Variants in KLRF1 observed in about 807,000 individuals in gnomAD.
KLRF1 encodes the protein killer cell lectin-like receptor subfamily F member 1.
Under a neutral mutation model 30.7 loss-of-function variants are expected in KLRF1, and 27 were observed. The ratio of observed to expected loss-of-function variants is 0.88; its 90% confidence interval spans 0.65 to 1.21. KLRF1 has a LOEUF of 1.21. Ranked by LOEUF, KLRF1 falls within the 50% of genes most tolerant of loss-of-function variation. The pLI is 0.00. For missense variants in KLRF1, 246 were observed against 259.3 expected (o/e 0.95, Z 0.35); for synonymous variants, 92 against 89.3 (o/e 1.03, Z -0.17).
chr12:9,837,520 C>T (rs980722261), intron 3 of KLRF1, among the ~76,000 whole-genome samples: 1 of 152,088 alleles, frequency 6.6e-6, no homozygotes, highest in African/African-American at 2.4e-5. Flanking sequence ...AGCATGCATC[C>T]AGCTCAGGGC....
upstream of KLRF1, among the ~76,000 whole-genome samples, chr12:9,822,709 C>G (rs1038752135): frequency 6.6e-6 from 1 of 152,092 alleles, no homozygotes; most frequent in African/African-American, 2.4e-5. Context: ...CAATGGTATG[C>G]TATCTTCAGT....
Position 9,844,410 on chromosome 12 carries a change from T to C in KLRF1, c.588-8T>C, listed in dbSNP as rs1867767317. On this transcript the variant is annotated splice_region_variant and splice_polypyrimidine_tract_variant and intron_variant, in intron 5 of 5. Transcript: ENST00000617889. ...TGATTAACAAAGTATTTATTCTCTC[T>C]TCCCTAGATTCTTCATAAAGGGACC... 6.9e-7 allele frequency: 1 copy of C among 1,455,316 alleles called. No homozygotes were observed. 90.2% of individuals were successfully genotyped at this position (1,455,316 alleles called of 1,614,324 possible).
At chr12:9,821,866 C>T in the KLRF1 span, among the ~76,000 whole-genome samples, 1 of 152,218 alleles carries the variant, frequency 6.6e-6, no homozygotes, top group Non-Finnish European at 1.5e-5. Flanking sequence ...TAAGCACAAC[C>T]TACTGCATCA....
chr12:9,810,689 A>C, the KLRF1 span, among the ~76,000 whole-genome samples: 1 of 152,204 alleles, frequency 6.6e-6, no homozygotes, highest in East Asian at 1.9e-4. Context: ...CATGCTAACA[A>C]GCTTGCAAAA....
chr12:9,843,898 T>C (rs1867756758), intron 5 of KLRF1, among the ~76,000 whole-genome samples: 1 of 152,192 alleles, frequency 6.6e-6, no homozygotes, highest in South Asian at 2.1e-4. Context: ...CATTATTTTA[T>C]ACATAAATTT....
the KLRF1 span, among the ~76,000 whole-genome samples, chr12:9,820,694 C>T: frequency 6.6e-6 from 1 of 152,194 alleles, no homozygotes; most frequent in East Asian, 1.9e-4. Context: ...CTGCCCCCAA[C>T]TTACCACTTC....
intron 3 of KLRF1, among the ~76,000 whole-genome samples, chr12:9,839,043 T>C (rs1346144551): frequency 6.6e-6 from 1 of 152,090 alleles, no homozygotes. Flanking sequence ...GATGAGGCCA[T>C]GTGGATGGGC....
the KLRF1 span, among the ~76,000 whole-genome samples, chr12:9,820,883 G>A: frequency 6.6e-6 from 1 of 152,248 alleles, no homozygotes; most frequent in African/African-American, 2.4e-5. Context: ...AAAGAGTCCA[G>A]CCCCTTTTCC....
the KLRF1 span, among the ~76,000 whole-genome samples, chr12:9,818,639 G>A: frequency 6.6e-6 from 1 of 152,142 alleles, no homozygotes; most frequent in Admixed American, 6.5e-5. Flanking sequence ...TAATAAATCT[G>A]CCCTTAGGTG....
the KLRF1 span, among the ~76,000 whole-genome samples, chr12:9,801,286 T>C: frequency 5.9e-5 from 9 of 152,242 alleles, no homozygotes; most frequent in Non-Finnish European, 1.2e-4. Flanking sequence ...TTTGCTATTG[T>C]GAATGGTGCT....
intron 3 of KLRF1, among the ~76,000 whole-genome samples, chr12:9,836,126 G>A (rs1283911111): frequency 1.3e-5 from 2 of 152,018 alleles, no homozygotes; most frequent in Admixed American, 1.3e-4. Context: ...AAGTAACGTT[G>A]GTAGTGTGGT....
At chr12:9,839,817 A>G (rs1867663580) in intron 3 of KLRF1, among the ~76,000 whole-genome samples, 1 of 152,126 alleles carries the variant, frequency 6.6e-6, no homozygotes, top group Non-Finnish European at 1.5e-5. Flanking sequence ...TCCTCAAATT[A>G]TCACATGACC....
the KLRF1 span, among the ~76,000 whole-genome samples, chr12:9,812,591 A>G: frequency 6.6e-6 from 1 of 152,136 alleles, no homozygotes; most frequent in Admixed American, 6.5e-5. Context: ...ATGGCAATTA[A>G]TAACCCTGGG....
In KLRF1 at chr12:9,842,420, A is replaced by G; in HGVS notation, c.574A>G (p.Ile192Val). ...ATGGACTTGGGTGGATGGTTCTCCA[A>G]TAGATTCAAAGATGTGAGTCTTTCT... ...MTWTWVDGSP[I>V]DSKIFFIKGP... The change falls in exon 5 of 6, where the codon ATA becomes GTA. Residue 192 changes from isoleucine (I) to valine (V), a missense_variant. Ile to Val is a conservative substitution (Grantham distance 29, BLOSUM62 3). Transcript: ENST00000617889. The G allele has an allele frequency of 1.2e-6, 2 of 1,612,090 alleles. No homozygotes were observed. The highest frequency in any genetic ancestry group is 1.7e-6 in the Non-Finnish European group (2 of 1,178,774).
chr12:9,814,250 G>C, the KLRF1 span, among the ~76,000 whole-genome samples: 1 of 152,154 alleles, frequency 6.6e-6, no homozygotes, highest in East Asian at 1.9e-4. Flanking sequence ...CCACTTGAGT[G>C]AGGTCGCTGC....
chr12:9,825,907 T>G (rs1867276601), upstream of KLRF1, among the ~76,000 whole-genome samples: 1 of 152,152 alleles, frequency 6.6e-6, no homozygotes, highest in Non-Finnish European at 1.5e-5. Context: ...CTTAATTTAC[T>G]TCTTATCCAT....
chr12:9,816,639 A>G, the KLRF1 span, among the ~76,000 whole-genome samples: 1 of 152,064 alleles, frequency 6.6e-6, no homozygotes, highest in African/African-American at 2.4e-5. Flanking sequence ...GAACTTCATG[A>G]AACATGTTCA....
the KLRF1 span, among the ~76,000 whole-genome samples, chr12:9,802,005 G>A: frequency 1.3e-5 from 2 of 151,698 alleles, no homozygotes; most frequent in African/African-American, 2.4e-5. Flanking sequence ...GAATCATCCC[G>A]ATACCAAAAT....
At chr12:9,836,031 G>A (rs774536876) in intron 3 of KLRF1, among the ~76,000 whole-genome samples, 1 of 152,178 alleles carries the variant, frequency 6.6e-6, no homozygotes, top group South Asian at 2.1e-4. Context: ...TAAGGTGGGG[G>A]CAGCTGTGTA....
Sources: allele counts gnomAD v4.1 joint callset (sites outside exome capture counted in the v4.1 genomes callset), GRCh38; gene constraint gnomAD v4.1.1; transcripts MANE v1.5; gene names NCBI Gene and HGNC (gene_info 2026-07-23, HGNC 2026-07-21).